Variants in CTCFL observed in about 807,000 individuals in gnomAD.
The protein encoded by CTCFL is CCCTC-binding factor like.
In CTCFL, 36 loss-of-function variants were observed where a neutral mutation model predicts 67.4. The observed-to-expected ratio is 0.53, with a 90% confidence interval of 0.41 to 0.71. The LOEUF (loss-of-function observed/expected upper bound fraction) is 0.71, where lower values mean the gene tolerates loss of function less well. CTCFL is among the 30% of genes least tolerant of loss of function. The pLI, the probability that CTCFL is intolerant of heterozygous loss-of-function variation, is 0.00. For missense variants in CTCFL, 786 were observed against 835.2 expected, an observed-to-expected ratio of 0.94 and a Z score of 0.73; for synonymous variants, 324 against 302.3, an observed-to-expected ratio of 1.07 and a Z score of -0.75.
In CTCFL at chr20:57,518,797, T is replaced by C. The variant is rs200386629; in HGVS notation, c.1020A>G (p.Lys340=). 1 of 1,614,090 alleles carries C rather than the reference T, an allele frequency of 6.2e-7. No individual in the cohort carries two copies. The highest frequency in any genetic ancestry group is 1.7e-5 in the Admixed American group (1 of 60,016). The change falls in exon 5 of 11, where the codon AAA becomes AAG. Residue 340 remains lysine, a synonymous_variant. Coordinates refer to ENST00000243914, the MANE Select transcript of CTCFL (RefSeq NM_001386993.1). The stretch of plus-strand genomic sequence containing the variant: ...ACTTGCACATGGAACATTTAAAGGG[T>C]TTCTCATGAGTATGTTTATAGCGCC... ...RHRRYKHTHE[K]PFKCSMCKYA...
intron 9 of CTCFL, among the ~76,000 whole-genome samples, chr20:57,503,918 CTGAG>C (rs1226808580): frequency 6.7e-6 from 1 of 149,712 alleles, no homozygotes; most frequent in Non-Finnish European, 1.5e-5. Context: ...GCACTCCAGC[CTGAG>C]TGACAGAAAA....
At chr20:57,517,860 G>A (rs1183086512) in intron 5 of CTCFL, among the ~76,000 whole-genome samples, 1 of 152,134 alleles carries the variant, frequency 6.6e-6, no homozygotes, top group Admixed American at 6.6e-5. Flanking sequence ...TCCAGGCTTA[G>A]GATCCCCAGG....
intron 3 of CTCFL, 131 bp from the exon 4 acceptor site, chr20:57,519,508 A>G (rs145567744): frequency 4.0e-6 from 3 of 750,410 alleles, no homozygotes; most frequent in Non-Finnish European, 6.6e-6. Context: ...TTATATCCAC[A>G]AGCTGATCGA....
downstream of CTCFL, chr20:57,496,019 T>C (rs2067721398): frequency 5.2e-6 from 2 of 385,492 alleles, no homozygotes; most frequent in Non-Finnish European, 9.2e-6. Context: ...CATTTGGTTG[T>C]AGTAAAATAC....
At chr20:57,507,563 GCT>G (rs2068278453) in intron 9 of CTCFL, 2 of 702,752 alleles carry the variant, frequency 2.8e-6, no homozygotes, top group Non-Finnish European at 5.2e-6. Flanking sequence ...TCTCTCACTT[GCT>G]CTGAGTCAGG....
At position 57,515,749 on chromosome 20, in the gene CTCFL, G is replaced by T. The variant is rs1555853443; in HGVS notation, c.1145C>A (p.Thr382Asn). The T allele has an allele frequency of 6.2e-7, 1 of 1,614,120 alleles. No individual in the cohort carries two copies. The highest frequency in any genetic ancestry group is 8.5e-7 in the Non-Finnish European group (1 of 1,180,030). ...TCTCATGTGGCGTTTCAGCTTGTAG[G>T]TATCTCTGCTGGCATAGCTGCACTG... is the stretch of plus-strand genomic sequence containing the variant. ...CCQCSYASRD[T>N]YKLKRHMRTH... Residue 382 changes from threonine (T) to asparagine (N), a missense_variant, in exon 6 of 11, where the codon ACC becomes AAC. Physicochemically the swap from Thr to Asn is moderately conservative, Grantham distance 65. Coordinates refer to ENST00000243914, the MANE Select transcript of CTCFL (RefSeq NM_001386993.1).
chr20:57,503,940 A>G (rs181094257), intron 9 of CTCFL, among the ~76,000 whole-genome samples: 19 of 151,734 alleles, frequency 1.3e-4, no homozygotes, highest in African/African-American at 4.1e-4. Context: ...AAAAAAAAAA[A>G]AAGAAAGAAA....
chr20:57,499,076 G>GGGGT (rs1555847789), intron 10 of CTCFL, among the ~76,000 whole-genome samples: 3 of 115,844 alleles, frequency 2.6e-5, no homozygotes, highest in Non-Finnish European at 5.4e-5. Flanking sequence ...AAGGTGACGG[G>GGGGT]GGGGGGGTGG....
chr20:57,509,344 A>G (rs1328162097), intron 8 of CTCFL, among the ~76,000 whole-genome samples: 1 of 148,786 alleles, frequency 6.7e-6, no homozygotes, highest in African/African-American at 2.5e-5. Context: ...GCTCACTGCA[A>G]TCTCAAACTC....
At chr20:57,518,531 T>C in intron 5 of CTCFL, 1 of 1,416,248 alleles carries the variant, frequency 7.1e-7, no homozygotes, top group East Asian at 2.5e-5. Context: ...TTGTAATTTG[T>C]AAACCTTTAC....
At chr20:57,523,615 A>G (rs754663077) in intron 2 of CTCFL, 48 bp downstream of exon 2, 1 of 1,565,356 alleles carries the variant, frequency 6.4e-7, no homozygotes, top group Non-Finnish European at 8.6e-7. Flanking sequence ...AGCCGACTTG[A>G]ATTTTTTCTT....
intron 8 of CTCFL, among the ~76,000 whole-genome samples, chr20:57,509,072 A>C (rs2068388317): frequency 6.6e-6 from 1 of 152,158 alleles, no homozygotes; most frequent in Non-Finnish European, 1.5e-5. Flanking sequence ...GCAGGGCGTG[A>C]AAGGATGGTC....
chr20:57,522,927 A>G, intron 3 of CTCFL, 141 bp downstream of exon 3: 1 of 669,858 alleles, frequency 1.5e-6, no homozygotes, highest in Non-Finnish European at 2.5e-6. Flanking sequence ...AATACAGAAC[A>G]TTAGTTTAAA....
chr20:57,511,300 A>G (rs1472274498), intron 8 of CTCFL, among the ~76,000 whole-genome samples: 1 of 152,124 alleles, frequency 6.6e-6, no homozygotes, highest in Non-Finnish European at 1.5e-5. Context: ...TCGGCCTCCC[A>G]AAGTGTTGGG....
At position 57,498,343 on chromosome 20, in the gene CTCFL, C is replaced by T; in HGVS notation, c.*207G>A. 1.5e-6 allele frequency: 2 copies of T among 1,312,574 alleles called. No homozygotes were observed. Among genetic ancestry groups the T allele is most frequent in the South Asian group, 2.2e-5 (1 of 44,926 alleles). 81.3% of individuals were successfully genotyped at this position (1,312,574 alleles called of 1,614,324 possible). Reference sequence around the variant, plus strand: ...GAACAATTCTAGACACTACCTCAAACTTGTGTCATCCATTGTCATGAACTT... The same window carrying T: ...GAACAATTCTAGACACTACCTCAAATTTGTGTCATCCATTGTCATGAACTT... On this transcript the variant is annotated 3_prime_UTR_variant, in exon 11 of 11. Transcript: ENST00000243914.
At chr20:57,524,960 G>A (rs943326416) in intron 1 of CTCFL, 68 bp downstream of exon 1, 5 of 143,458 alleles carry the variant, frequency 3.5e-5, no homozygotes, top group South Asian at 2.6e-4. Context: ...CCCTCCCTCC[G>A]CCCACGCCCA....
chr20:57,496,139 T>C, downstream of CTCFL: 1 of 406,152 alleles, frequency 2.5e-6, no homozygotes, highest in Admixed American at 4.3e-5. Context: ...GGCGGTTTCT[T>C]AGGAATGATT....
In CTCFL at chr20:57,519,236, A is replaced by G; in HGVS notation, c.896T>C (p.Leu299Pro). ...LCLKTFRTVT[L>P]LRNHVNTHTG... ...GTGGGTGTTAACATGGTTCCGCAGC[A>G]GAGTGACCGTACGGAAGGTTTTCAG... The change falls in exon 4 of 11, where the codon CTG becomes CCG. Residue 299 changes from leucine (L) to proline (P), a missense_variant. Transcript: ENST00000243914. The G allele has an allele frequency of 1.2e-6, 2 of 1,614,194 alleles. No homozygotes were observed. The highest frequency in any genetic ancestry group is 1.3e-5 in the African/African-American group (1 of 75,068).
At chr20:57,522,921 C>T (rs1261676464) in intron 3 of CTCFL, 147 bp downstream of exon 3, 1 of 654,446 alleles carries the variant, frequency 1.5e-6, no homozygotes, top group Non-Finnish European at 2.6e-6. Context: ...ATTCACAATA[C>T]AGAACATTAG....
Sources: allele counts gnomAD v4.1 joint callset (sites outside exome capture counted in the v4.1 genomes callset), GRCh38; gene constraint gnomAD v4.1.1; transcripts MANE v1.5; gene names NCBI Gene and HGNC (gene_info 2026-07-23, HGNC 2026-07-21).